CACNA1B: variants seen among roughly 807,000 people sequenced by gnomAD.
The protein encoded by CACNA1B is voltage-dependent N-type calcium channel subunit alpha-1B.
Under a neutral mutation model 247.2 loss-of-function variants are expected in CACNA1B, and 70 were observed. The observed-to-expected ratio is 0.28, with a 90% confidence interval of 0.23 to 0.35. The LOEUF (loss-of-function observed/expected upper bound fraction) is 0.35. Among genes scored for constraint, CACNA1B ranks in the 10% least tolerant of loss-of-function variants. The pLI is 1.00. For missense variants in CACNA1B, 2,367 were observed against 3,197.4 expected (o/e 0.74, Z 6.26); for synonymous variants, 1,231 against 1,294.4 (o/e 0.95, Z 1.05).
chr9:138,120,344 G>T lies in CACNA1B; in HGVS notation c.6210G>T (p.Gly2070=), dbSNP rs201560326. The T allele has an allele frequency of 3.2e-6, 5 of 1,553,694 alleles. No homozygotes were observed. Among genetic ancestry groups the T allele is most frequent in the Non-Finnish European group, 4.3e-6 (5 of 1,156,322 alleles). ...RDRKQRSLEK[G]PSLSADMDGA... Reference sequence around the variant, plus strand: ...GGAAGCAGAGGTCCCTGGAGAAGGGGCCCAGCCTGTCTGCCGATATGGATG... The same window carrying T: ...GGAAGCAGAGGTCCCTGGAGAAGGGTCCCAGCCTGTCTGCCGATATGGATG... The change falls in exon 45 of 47, where the codon GGG becomes GGT. Residue 2070 remains glycine, a synonymous_variant. Transcript: ENST00000371372.
rs553603310 is a variant in CACNA1B, at chr9:138,114,440, A to T, written c.5599A>T (p.Asn1867Tyr). 1 of 1,594,658 alleles carries T rather than the reference A, an allele frequency of 6.3e-7. No homozygotes were observed. The highest frequency in any genetic ancestry group is 8.5e-7 in the Non-Finnish European group (1 of 1,170,078). The change falls in exon 41 of 47, where the codon AAC becomes TAC. Residue 1867 changes from asparagine to tyrosine, a missense_variant. By Grantham distance (143) the Asn-to-Tyr change is moderately radical (BLOSUM62 -2). This residue lies in a region of CACNA1B where 773 missense variants were observed against 779.4 expected (regional missense o/e 0.99). Coordinates refer to ENST00000371372, the MANE Select transcript of CACNA1B (RefSeq NM_000718.4). The stretch of plus-strand genomic sequence containing the variant: ...GATGATATTCGACTTCTACAAGCAG[A>T]ACAAAACCACCAGAGACCAGATGCA... ...ALMIFDFYKQ[N>Y]KTTRDQMQQA... is the part of the protein sequence containing the mutation.
rs572333687 is a variant in CACNA1B, at chr9:137,957,026, C to T, written c.1243+199C>T. Among the ~76,000 whole-genome samples the T allele has an allele frequency of 2.4e-4, 37 of 152,210 alleles. No individual in the cohort carries two copies. The highest frequency in any genetic ancestry group is 4.0e-4 in the Non-Finnish European group (27 of 68,024). On this transcript the variant is annotated intron_variant, in intron 9 of 46. Coordinates refer to ENST00000371372, the MANE Select transcript of CACNA1B (RefSeq NM_000718.4). The surrounding 1 kb of genome is among the most constrained non-coding windows in gnomAD (Gnocchi z 4.7). ...ACAGGCCCACACTGCAGGTTTAAAC[C>T]GAGCTGTGTCTATCCCCAGGGCTTG...
rs1357454088 is a variant in CACNA1B at position 138,013,213 on chromosome 9, G to T, written c.2245G>T (p.Ala749Ser). The T allele has an allele frequency of 6.2e-7, 1 of 1,603,120 alleles. No homozygotes were observed. Among genetic ancestry groups the T allele is most frequent in the Non-Finnish European group, 8.5e-7 (1 of 1,175,146 alleles). The change falls in exon 18 of 47, where the codon GCC (alanine) becomes TCC (serine). Residue 749 changes from alanine to serine, a missense_variant. Coordinates refer to ENST00000371372, the MANE Select transcript of CACNA1B (RefSeq NM_000718.4). ...KEVAEVSPMSAANISIAARQQ... is the reference protein window; with the variant it reads ...KEVAEVSPMSSANISIAARQQ... ...AGTGGCTGAAGTCAGCCCCATGTCT[G>T]CCGCGAACATCTCCATCGCCGCGTA...
chr9:138,023,081 C>T lies in CACNA1B; in HGVS notation c.2338C>T (p.Leu780=), dbSNP rs1448243941. ...GGCCAGCCAGCTACGGCTGCAGAAC[C>T]TGCGGGCCAGCTGCGAGGCGCTGTA... ...QRASQLRLQN[L]RASCEALYSE... The change falls in exon 19 of 47, where the codon CTG becomes TTG. Residue 780 remains leucine, a synonymous_variant. Transcript: ENST00000371372. 1 of 1,530,090 alleles carries T rather than the reference C, an allele frequency of 6.5e-7. No homozygotes were observed. Among genetic ancestry groups the T allele is most frequent in the Non-Finnish European group, 8.7e-7 (1 of 1,145,138 alleles). 94.8% of individuals were successfully genotyped at this position (1,530,090 alleles called of 1,614,324 possible). A position where few individuals can be genotyped will look rare whatever the true frequency, so the allele number is the denominator to read the frequency against.
rs769887848 is a variant in CACNA1B at position 138,046,947 on chromosome 9, G to A, written c.3457G>A (p.Glu1153Lys). Residue 1153 changes from glutamate (E) to lysine (K), a missense_variant, in exon 22 of 47, where the codon GAG becomes AAG. Glu to Lys is a moderately conservative substitution (Grantham distance 56, BLOSUM62 1). Around this residue, in one of 12 missense-constraint regions of CACNA1B, gnomAD observed 631 missense variants for 631.1 expected, o/e 1.00. Coordinates refer to ENST00000371372, the MANE Select transcript of CACNA1B (RefSeq NM_000718.4). ...CTACATCGTGACCATGAGGTACTTCGAGGTGGTCATTCTCGTGGTCATCGC... is the reference window on the plus strand; with the variant it reads ...CTACATCGTGACCATGAGGTACTTCAAGGTGGTCATTCTCGTGGTCATCGC... Reference protein sequence around the residue: ...CHYIVTMRYFEVVILVVIALS... With the variant: ...CHYIVTMRYFKVVILVVIALS... 7 of 1,613,412 alleles carry A rather than the reference G, an allele frequency of 4.3e-6. No homozygotes were observed. The highest frequency in any genetic ancestry group is 2.2e-5 in the East Asian group (1 of 44,872).
At chr9:137,901,684 T>G in intron 3 of CACNA1B, among the ~76,000 whole-genome samples, 1 of 136,370 alleles carries the variant, frequency 7.3e-6, no homozygotes, top group African/African-American at 3.2e-5. Context: ...GGTTTTTTTG[T>G]GATTTTTTTT....
rs1034858212 is a variant in CACNA1B, at chr9:138,047,293, C to T, written c.3544-106C>T. 1.2e-5 allele frequency: 11 copies of T among 880,630 alleles called. No individual in the cohort carries two copies. The Admixed American group carries it at 1.6e-4, about 13-fold the overall frequency. The allele number at this position is 880,630 out of a possible 1,614,324, so 54.6% of individuals were successfully genotyped here. On this transcript the variant is annotated intron_variant, in intron 22 of 46. Coordinates refer to ENST00000371372, the MANE Select transcript of CACNA1B (RefSeq NM_000718.4). Reference sequence around the variant, plus strand: ...CCGTTTTCCACAGGCTTCCTGGCTCCCTGGCTGACTGCTCAGAGGCCTGGA... The same window carrying T: ...CCGTTTTCCACAGGCTTCCTGGCTCTCTGGCTGACTGCTCAGAGGCCTGGA...
intron 3 of CACNA1B, among the ~76,000 whole-genome samples, chr9:137,904,235 G>A (rs1957271412): frequency 6.6e-6 from 1 of 151,940 alleles, no homozygotes; most frequent in Admixed American, 6.6e-5. Context: ...TGTAAGGCAT[G>A]TAAAACCCAG....
intron 3 of CACNA1B, among the ~76,000 whole-genome samples, chr9:137,896,054 A>T (rs966997628): frequency 6.6e-6 from 1 of 152,126 alleles, no homozygotes; most frequent in Non-Finnish European, 1.5e-5. Context: ...CCTGGCTAAC[A>T]CGGTGAAACC....
At position 137,917,799 on chromosome 9, in the gene CACNA1B, T is replaced by C. The variant is rs1182918642; in HGVS notation, c.966+368T>C. Reference sequence around the variant, plus strand: ...TCTGGGTTAGGCCCTCTGGGAAGTGTTTTATTCCTGTTGACTCCTCTCAGG... The same window carrying C: ...TCTGGGTTAGGCCCTCTGGGAAGTGCTTTATTCCTGTTGACTCCTCTCAGG... On this transcript the variant is annotated intron_variant, in intron 6 of 46. Transcript: ENST00000371372. The surrounding 1 kb of genome is among the most constrained non-coding windows in gnomAD (Gnocchi z 5.5). Among the ~76,000 whole-genome samples the C allele has an allele frequency of 6.6e-6, 1 of 152,224 alleles. No homozygotes were observed. The highest frequency in any genetic ancestry group is 1.9e-4 in the East Asian group (1 of 5,198).
intron 6 of CACNA1B, among the ~76,000 whole-genome samples, chr9:137,934,930 C>T (rs1198915537): frequency 1.3e-5 from 2 of 152,044 alleles, no homozygotes; most frequent in Non-Finnish European, 2.9e-5. Context: ...TCCTTAACAC[C>T]CCGAAGAAAT....
chr9:138,104,380 G>A (rs549670375), intron 38 of CACNA1B, among the ~76,000 whole-genome samples: 40 of 152,112 alleles, frequency 2.6e-4, no homozygotes, highest in Admixed American at 2.3e-3. Context: ...TATCCCCAAC[G>A]CCCCCCAACG....
rs983439523 is a variant in CACNA1B, at chr9:138,072,280, G to C, written c.4675-1208G>C. On this transcript the variant is annotated intron_variant, in intron 32 of 46. Coordinates refer to ENST00000371372, the MANE Select transcript of CACNA1B (RefSeq NM_000718.4). The surrounding 1 kb of genome is among the most constrained non-coding windows in gnomAD (Gnocchi z 4.5). The stretch of plus-strand genomic sequence containing the variant: ...AGCCACCCTGCCCCTGCCAGTGGAA[G>C]TGGCAGACCTAGGCAGAGGTGTCCT... Among the ~76,000 whole-genome samples the C allele has an allele frequency of 6.6e-6, 1 of 152,206 alleles. No homozygotes were observed. Among genetic ancestry groups the C allele is most frequent in the Admixed American group, 6.5e-5 (1 of 15,278 alleles).
At chr9:138,060,764 A>T (rs940328432) in intron 31 of CACNA1B, among the ~76,000 whole-genome samples, 1 of 152,246 alleles carries the variant, frequency 6.6e-6, no homozygotes, top group Non-Finnish European at 1.5e-5. Flanking sequence ...CATTGGGTTC[A>T]CTGTGCTCAT....
intron 6 of CACNA1B, among the ~76,000 whole-genome samples, chr9:137,946,559 C>A (rs962527975): frequency 6.6e-6 from 1 of 151,054 alleles, no homozygotes; most frequent in African/African-American, 2.4e-5. Context: ...AAGTTGCCCT[C>A]AGTTACTGGG....
At chr9:138,118,339 T>TTGAGACTGGGGTGGGGGACGTG (rs1564296766) in intron 43 of CACNA1B, among the ~76,000 whole-genome samples, 2 of 56,140 alleles carry the variant, frequency 3.6e-5, no homozygotes, top group African/African-American at 1.6e-4. Context: ...ATGGGGGATT[T>TTGAGACTGGGGTGGGGGACGTG]TGAGACTGGG....
At position 137,971,306 on chromosome 9, in the gene CACNA1B, C is replaced by A. The variant is rs1030501349; in HGVS notation, c.1334-77C>A. Reference sequence around the variant, plus strand: ...CTGGGGGCAGGTGTCCTCCAGAGTGCGTCTGTGGGGGTCCACAGGTGGGGT... The same window carrying A: ...CTGGGGGCAGGTGTCCTCCAGAGTGAGTCTGTGGGGGTCCACAGGTGGGGT... On this transcript the variant is annotated intron_variant, in intron 10 of 46. Coordinates refer to ENST00000371372, the MANE Select transcript of CACNA1B (RefSeq NM_000718.4). The surrounding 1 kb of genome is among the most constrained non-coding windows in gnomAD (Gnocchi z 4.4). 6.8e-6 allele frequency: 7 copies of A among 1,035,652 alleles called. No homozygotes were observed. Among genetic ancestry groups the A allele is most frequent in the Non-Finnish European group, 1.0e-5 (7 of 689,824 alleles). The allele number at this position is 1,035,652 out of a possible 1,614,324, so 64.2% of individuals were successfully genotyped here.
chr9:137,901,686 A>ATTT (rs57624388), intron 3 of CACNA1B, among the ~76,000 whole-genome samples: 8 of 112,396 alleles, frequency 7.1e-5, no homozygotes, highest in Non-Finnish European at 1.3e-4. Flanking sequence ...TTTTTTTGTG[A>ATTT]TTTTTTTTTT....
chr9:137,915,165 T>C (rs566992008), intron 5 of CACNA1B, among the ~76,000 whole-genome samples: 1 of 152,342 alleles, frequency 6.6e-6, no homozygotes, highest in South Asian at 2.1e-4. Flanking sequence ...GAACTTCAGT[T>C]ACCAGTAGTA....
Sources: gnomAD v4.1 joint callset for allele counts (sites outside exome capture counted in the v4.1 genomes callset) on GRCh38, gnomAD v4.1.1 for gene constraint, gnomAD v4.1.1 regional missense constraint, Gnocchi (gnomAD v3.1) non-coding constraint, MANE v1.5 for transcripts, NCBI Gene and HGNC (gene_info 2026-07-23, HGNC 2026-07-21) for gene names.